The following CORO2A variants were observed in gnomAD, a reference collection of about 807,000 sequenced individuals.
The protein encoded by CORO2A is coronin 2A, also known as coronin-2A.
In CORO2A, 47 loss-of-function variants were observed where a neutral mutation model predicts 62.4. That is an observed-to-expected ratio of 0.75 (90% CI 0.60 to 0.96). The LOEUF (loss-of-function observed/expected upper bound fraction) is 0.96. Ranked by LOEUF, CORO2A falls within the 40% of genes least tolerant of loss-of-function variation. CORO2A has a pLI of 0.00. For synonymous variants in CORO2A, 273 were observed against 268.9 expected (o/e 1.02, Z -0.15); for missense variants, 610 against 684.1 (o/e 0.89, Z 1.21).
At chr9:98,133,702 T>A (rs767153618) in intron 4 of CORO2A, among the ~76,000 whole-genome samples, 1 of 152,056 alleles carries the variant, frequency 6.6e-6, no homozygotes, top group African/African-American at 2.4e-5. Flanking sequence ...TACAAACAGA[T>A]GAGAAAGCGC....
chr9:98,161,109 C>A (rs372188925), intron 1 of CORO2A, among the ~76,000 whole-genome samples: 6 of 152,190 alleles, frequency 3.9e-5, no homozygotes, highest in African/African-American at 1.4e-4. Context: ...AGGACAGCGA[C>A]CCATCCTGAT....
chr9:98,162,449 C>T (rs3780456), intron 1 of CORO2A, among the ~76,000 whole-genome samples: 2 of 152,126 alleles, frequency 1.3e-5, no homozygotes, highest in Non-Finnish European at 2.9e-5. Context: ...CCCTTCTGTC[C>T]GTCCCCCAAT....
chr9:98,147,949 G>GT (rs1272052772), intron 2 of CORO2A, among the ~76,000 whole-genome samples: 2 of 152,092 alleles, frequency 1.3e-5, no homozygotes, highest in African/African-American at 4.8e-5. Context: ...CTATTCAGCA[G>GT]TAAGAAAGGA....
intron 3 of CORO2A, among the ~76,000 whole-genome samples, chr9:98,135,983 G>C (rs537507938): frequency 6.6e-6 from 1 of 152,158 alleles, no homozygotes; most frequent in African/African-American, 2.4e-5. Flanking sequence ...ACTGCTAGAG[G>C]AGCAACCGTG....
rs528613046 is a variant in CORO2A, at chr9:98,159,775, A to G, written c.1-2115T>C. Among the ~76,000 whole-genome samples, 10 of 151,116 alleles carry G rather than the reference A, an allele frequency of 6.6e-5. No homozygotes were observed. The South Asian group carries it at 2.1e-3, about 32-fold the overall frequency. On this transcript the variant is annotated intron_variant, in intron 1 of 11. Coordinates refer to ENST00000375077, the MANE Select transcript of CORO2A (RefSeq NM_052820.4). Reference sequence around the variant, plus strand: ...GATTTGGGGTTCAGGGTCAGTTCTCATTTTCTCTGCTGGCTTGGAGCTTCC... The same window carrying G: ...GATTTGGGGTTCAGGGTCAGTTCTCGTTTTCTCTGCTGGCTTGGAGCTTCC...
At chr9:98,134,525 C>T (rs796533070) in intron 4 of CORO2A, among the ~76,000 whole-genome samples, 9 of 152,260 alleles carry the variant, frequency 5.9e-5, no homozygotes, top group African/African-American at 2.2e-4. Flanking sequence ...GATAGTTGCT[C>T]TCCTCTTCCT....
rs1367637074 is a variant in CORO2A at position 98,122,957 on chromosome 9, T to A, written c.*1817A>T. 6.6e-6 allele frequency: 1 copy of A among 152,284 alleles called. No homozygotes were observed. Among genetic ancestry groups the A allele is most frequent in the African/African-American group, 2.4e-5 (1 of 41,472 alleles). 9.4% of individuals were successfully genotyped at this position (152,284 alleles called of 1,614,324 possible). A position where few individuals can be genotyped will look rare whatever the true frequency, so the allele number is the denominator to read the frequency against. ...GCCTGTGTTGTAGAATTGGGTTGAA[T>A]GCCTCTGACCCCTTGCCAGTGTCCG... On this transcript the variant is annotated 3_prime_UTR_variant, in exon 12 of 12. Coordinates refer to ENST00000375077, the MANE Select transcript of CORO2A (RefSeq NM_052820.4).
At chr9:98,153,476 T>A (rs1827755590) in intron 2 of CORO2A, among the ~76,000 whole-genome samples, 1 of 151,758 alleles carries the variant, frequency 6.6e-6, no homozygotes, top group Non-Finnish European at 1.5e-5. Context: ...GGTGCTTTCA[T>A]AGCTACTGCA....
At chr9:98,149,763 A>G (rs1215683129) in intron 2 of CORO2A, among the ~76,000 whole-genome samples, 2 of 152,230 alleles carry the variant, frequency 1.3e-5, no homozygotes, top group Non-Finnish European at 2.9e-5. Flanking sequence ...GGAGGGGACA[A>G]GCATCCAAAC....
At chr9:98,189,608 A>G (rs1176809588) in intron 1 of CORO2A, among the ~76,000 whole-genome samples, 1 of 152,184 alleles carries the variant, frequency 6.6e-6, no homozygotes, top group African/African-American at 2.4e-5. Flanking sequence ...GCAACTGCTG[A>G]GTCTACCCCC....
chr9:98,133,895 T>C (rs1000150208), intron 4 of CORO2A, among the ~76,000 whole-genome samples: 2 of 151,664 alleles, frequency 1.3e-5, no homozygotes, highest in Non-Finnish European at 2.9e-5. Flanking sequence ...CTGGGACTAC[T>C]TGACGCATTT....
chr9:98,155,503 T>C (rs1424338711), intron 2 of CORO2A, among the ~76,000 whole-genome samples: 1 of 151,932 alleles, frequency 6.6e-6, no homozygotes, highest in African/African-American at 2.4e-5. Flanking sequence ...CCCGCCACTG[T>C]GCCTGGCTAA....
chr9:98,165,122 G>A (rs72603681), intron 1 of CORO2A, among the ~76,000 whole-genome samples: 38,320 of 152,020 alleles, frequency 0.25, 5,222 homozygotes, highest in East Asian at 0.37. Flanking sequence ...ATGTACCACC[G>A]TGCTTGGCTA....
At chr9:98,154,329 G>GTATATATATATATATATA (rs61422672) in intron 2 of CORO2A, among the ~76,000 whole-genome samples, 9 of 88,954 alleles carry the variant, frequency 1.0e-4, no homozygotes, top group African/African-American at 3.8e-4. Flanking sequence ...GTGTTTGTGT[G>GTATATATATATATATATA]TATATATATA....
intron 1 of CORO2A, among the ~76,000 whole-genome samples, chr9:98,179,289 C>A (rs1828147208): frequency 6.6e-6 from 1 of 152,216 alleles, no homozygotes; most frequent in African/African-American, 2.4e-5. Flanking sequence ...CCAGCCACAG[C>A]AGTGACCCTG....
chr9:98,185,983 C>A (rs1166009513), intron 1 of CORO2A, among the ~76,000 whole-genome samples: 1 of 152,226 alleles, frequency 6.6e-6, no homozygotes. Context: ...ACTCACCTCC[C>A]ACCCAGGGCT....
chr9:98,181,351 T>TC (rs1396875516), intron 1 of CORO2A, among the ~76,000 whole-genome samples: 5 of 150,116 alleles, frequency 3.3e-5, no homozygotes, highest in Admixed American at 2.0e-4. Context: ...TTTTTTTTTT[T>TC]TTTTTTAAGA....
chr9:98,129,924 T>C (rs1426295145), intron 7 of CORO2A, 34 bp from the exon 8 acceptor site: 1 of 1,556,448 alleles, frequency 6.4e-7, no homozygotes, highest in South Asian at 1.1e-5. Context: ...GAGGGTGAGA[T>C]TCAGAGCTGG....
At chr9:98,165,604 T>C (rs13300050) in intron 1 of CORO2A, among the ~76,000 whole-genome samples, 66,822 of 152,038 alleles carry the variant, frequency 0.44, 14,858 homozygotes, top group Admixed American at 0.53. Context: ...GGTGTGACCT[T>C]GAGGGACTGC....
Sources: allele counts gnomAD v4.1 joint callset (sites outside exome capture counted in the v4.1 genomes callset), GRCh38; gene constraint gnomAD v4.1.1; transcripts MANE v1.5; gene names NCBI Gene and HGNC (gene_info 2026-07-23, HGNC 2026-07-21).